Variants in PTPRT observed in about 807,000 individuals in gnomAD.
PTPRT encodes protein tyrosine phosphatase receptor type T.
PTPRT carries 56 observed loss-of-function variants against 176.8 expected under a neutral mutation model. The ratio of observed to expected loss-of-function variants is 0.32; its 90% confidence interval spans 0.26 to 0.40. PTPRT has a LOEUF of 0.40. Among genes scored for constraint, PTPRT ranks in the 10% least tolerant of loss-of-function variants. The pLI is 1.00. For missense variants in PTPRT, 1,540 were observed against 1,908.2 expected (o/e 0.81, Z 3.60); for synonymous variants, 783 against 739.0 (o/e 1.06, Z -0.96).
At chr20:42,578,268 ATT>A (rs2073301179) in intron 7 of PTPRT, among the ~76,000 whole-genome samples, 1 of 152,184 alleles carries the variant, frequency 6.6e-6, no homozygotes, top group Admixed American at 6.5e-5. Flanking sequence ...GACACACTCT[ATT>A]ATTTAATCCT....
intron 7 of PTPRT, among the ~76,000 whole-genome samples, chr20:42,491,181 C>G (rs369588525): frequency 3.9e-5 from 6 of 152,248 alleles, no homozygotes; most frequent in African/African-American, 1.4e-4. Context: ...GATGTATTTT[C>G]TATACATTCA....
At chr20:42,161,279 T>C in intron 17 of PTPRT, 73 bp downstream of exon 17, 1 of 1,566,008 alleles carries the variant, frequency 6.4e-7, no homozygotes, top group South Asian at 1.1e-5. Context: ...GCCATACTTT[T>C]TGTAGCAAGG....
chr20:43,156,139 G>A (rs2014515930), intron 1 of PTPRT, among the ~76,000 whole-genome samples: 1 of 152,158 alleles, frequency 6.6e-6, no homozygotes, highest in African/African-American at 2.4e-5. Context: ...CCTTGTTTGG[G>A]GGCTTCTCTC....
At chr20:42,681,819 G>A (rs1444991196) in intron 6 of PTPRT, among the ~76,000 whole-genome samples, 1 of 152,072 alleles carries the variant, frequency 6.6e-6, no homozygotes, top group Non-Finnish European at 1.5e-5. Flanking sequence ...ATCCATAAAG[G>A]GATACACATA....
chr20:42,868,643 G>C (rs183285153), intron 2 of PTPRT, among the ~76,000 whole-genome samples: 1 of 152,182 alleles, frequency 6.6e-6, no homozygotes, highest in Non-Finnish European at 1.5e-5. Flanking sequence ...CAGTGTGGCT[G>C]AGTCAATGTT....
At chr20:42,215,685 G>A (rs564605155) in intron 15 of PTPRT, among the ~76,000 whole-genome samples, 26 of 152,282 alleles carry the variant, frequency 1.7e-4, no homozygotes, top group African/African-American at 5.8e-4. Flanking sequence ...TTGACCTTCA[G>A]TTTCACATCA....
intron 1 of PTPRT, among the ~76,000 whole-genome samples, chr20:43,178,015 T>C (rs1339956812): frequency 2.0e-5 from 3 of 152,210 alleles, no homozygotes; most frequent in South Asian, 4.1e-4. Flanking sequence ...TTGGGAAGTA[T>C]ACCCAGAAAA....
intron 6 of PTPRT, among the ~76,000 whole-genome samples, chr20:42,730,931 C>A (rs952165564): frequency 3.3e-5 from 5 of 152,158 alleles, no homozygotes; most frequent in East Asian, 1.9e-4. Flanking sequence ...CAGCCTCCCC[C>A]ACTTCTTTAC....
chr20:42,687,114 A>G (rs2075710215), intron 6 of PTPRT: 1 of 152,076 alleles, frequency 6.6e-6, no homozygotes, highest in Non-Finnish European at 1.5e-5. Context: ...TAATATCATC[A>G]TCCTCCCAAC....
intron 6 of PTPRT, among the ~76,000 whole-genome samples, chr20:42,680,549 C>G (rs1055154416): frequency 6.6e-5 from 10 of 152,230 alleles, no homozygotes; most frequent in Non-Finnish European, 1.2e-4. Context: ...TCCAATGAGG[C>G]CCCAGGGGTG....
intron 15 of PTPRT, among the ~76,000 whole-genome samples, chr20:42,215,582 C>T (rs1237741965): frequency 6.6e-6 from 1 of 152,162 alleles, no homozygotes; most frequent in Non-Finnish European, 1.5e-5. Context: ...AATCTTTCCT[C>T]CCTGTAGTTT....
chr20:42,851,291 G>C (rs1169669575), intron 2 of PTPRT, among the ~76,000 whole-genome samples: 1 of 152,146 alleles, frequency 6.6e-6, no homozygotes, highest in East Asian at 1.9e-4. Context: ...TCTATCAAAA[G>C]TATCTAAAGA....
chr20:42,408,507 T>C (rs1353364171), intron 9 of PTPRT, among the ~76,000 whole-genome samples: 4 of 152,102 alleles, frequency 2.6e-5, no homozygotes, highest in Middle Eastern at 6.8e-3. Flanking sequence ...AATTAGGGCA[T>C]GCAGTCAGGG....
chr20:42,938,473 A>G (rs1388602187), intron 1 of PTPRT, among the ~76,000 whole-genome samples: 1 of 152,130 alleles, frequency 6.6e-6, no homozygotes, highest in African/African-American at 2.4e-5. Context: ...AGGCCCAATC[A>G]TAATATAGAT....
At chr20:42,568,526 C>T (rs1445388856) in intron 7 of PTPRT, among the ~76,000 whole-genome samples, 19 of 152,188 alleles carry the variant, frequency 1.2e-4, no homozygotes, top group Admixed American at 1.1e-3. Flanking sequence ...TATGATTGAT[C>T]GCCAGGCTGT....
chr20:42,622,204 C>T (rs1258256034), intron 7 of PTPRT, among the ~76,000 whole-genome samples: 2 of 152,008 alleles, frequency 1.3e-5, no homozygotes, highest in Non-Finnish European at 2.9e-5. Flanking sequence ...TTGTGTAATG[C>T]TAGCTTTGGA....
intron 16 of PTPRT, among the ~76,000 whole-genome samples, chr20:42,197,036 G>C (rs965096401): frequency 2.6e-5 from 4 of 152,098 alleles, no homozygotes; most frequent in Non-Finnish European, 4.4e-5. Context: ...AAAAAAATTA[G>C]ACAAATCTGG....
rs190498131 is a variant in PTPRT at position 42,406,494 on chromosome 20, A to T, written c.1560+41726T>A. ...AGAAAATCACGTAACAGTTTAAGAA[A>T]GTTATTTAAATACCTTTATAAAAAC... is the stretch of plus-strand genomic sequence containing the variant. On this transcript the variant is annotated intron_variant, in intron 9 of 30. Coordinates refer to ENST00000373187, the MANE Select transcript of PTPRT (RefSeq NM_007050.6). 3.0e-4 allele frequency among the ~76,000 whole-genome samples: 46 copies of T among 152,236 alleles called. No homozygotes were observed. The East Asian group carries it at 8.7e-3, about 29-fold the overall frequency.
At chr20:43,162,424 C>G (rs557176970) in intron 1 of PTPRT, among the ~76,000 whole-genome samples, 1 of 152,150 alleles carries the variant, frequency 6.6e-6, no homozygotes, top group Non-Finnish European at 1.5e-5. Context: ...AGTCAGAAAT[C>G]TTTTCTCAGT....
Sources: allele counts gnomAD v4.1 joint callset (sites outside exome capture counted in the v4.1 genomes callset), GRCh38; gene constraint gnomAD v4.1.1; transcripts MANE v1.5; gene names NCBI Gene and HGNC (gene_info 2026-07-23, HGNC 2026-07-21).